The following HYDIN variants were observed in gnomAD, a reference collection of about 807,000 sequenced individuals.
HYDIN encodes axonemal central pair apparatus protein HYDIN.
A neutral mutation model predicts 403.9 loss-of-function variants in HYDIN; 132 were observed. That is an observed-to-expected ratio of 0.33 (90% CI 0.28 to 0.38). The LOEUF (loss-of-function observed/expected upper bound fraction) is 0.38. Ranked by LOEUF, HYDIN falls within the 10% of genes least tolerant of loss-of-function variation. The pLI is 1.00. For synonymous variants in HYDIN, 1,202 were observed against 1,891.7 expected (o/e 0.64, Z 9.46); for missense variants, 2,827 against 5,009.5 (o/e 0.56, Z 13.15).
At chr16:71,082,677 A>G (rs550738812) in intron 12 of HYDIN, among the ~76,000 whole-genome samples, 4 of 146,326 alleles carry the variant, frequency 2.7e-5, no homozygotes, top group South Asian at 2.2e-4. Context: ...ATTATTCCCA[A>G]TGGAAAACCC....
chr16:71,034,076 G>C (rs2081006837), intron 18 of HYDIN, among the ~76,000 whole-genome samples: 2 of 151,410 alleles, frequency 1.3e-5, no homozygotes, highest in Admixed American at 6.6e-5. Context: ...CTCCCAGGAA[G>C]CTTCGTGAAG....
intron 23 of HYDIN, among the ~76,000 whole-genome samples, chr16:71,017,075 C>G (rs1567998122): frequency 6.6e-6 from 1 of 151,974 alleles, no homozygotes; most frequent in South Asian, 2.1e-4. Context: ...TACGGTGGCC[C>G]ACACCTGTAA....
chr16:71,074,670 T>C (rs2082570815), intron 13 of HYDIN, among the ~76,000 whole-genome samples: 2 of 113,980 alleles, frequency 1.8e-5, no homozygotes, highest in African/African-American at 7.1e-5. Flanking sequence ...CAACAGAGAC[T>C]CTGTCTCAAA....
intron 6 of HYDIN, among the ~76,000 whole-genome samples, chr16:71,156,789 G>A (rs2085786667): frequency 1.3e-5 from 2 of 151,808 alleles, no homozygotes; most frequent in South Asian, 4.2e-4. Flanking sequence ...TTTAGATTTT[G>A]AAATTGCTTC....
At chr16:71,095,570 A>C (rs1372753367) in intron 10 of HYDIN, among the ~76,000 whole-genome samples, 1 of 151,948 alleles carries the variant, frequency 6.6e-6, no homozygotes, top group African/African-American at 2.4e-5. Context: ...AAGATCCAGA[A>C]TATTAGGGAT....
chr16:71,074,499 T>G (rs560659330), intron 13 of HYDIN, among the ~76,000 whole-genome samples: 77 of 151,736 alleles, frequency 5.1e-4, no homozygotes, highest in African/African-American at 1.8e-3. Context: ...CTGGCCAACA[T>G]GGTGAAACCC....
chr16:70,880,244 A>T (rs1378918745), intron 60 of HYDIN, among the ~76,000 whole-genome samples: 1 of 135,170 alleles, frequency 7.4e-6, no homozygotes, highest in Non-Finnish European at 1.5e-5. Flanking sequence ...TTTTTTGTAC[A>T]TATGGGGTTT....
chr16:71,165,329 G>A (rs150584741), intron 5 of HYDIN, among the ~76,000 whole-genome samples: 2,072 of 151,698 alleles, frequency 0.014, 14 homozygotes, highest in Non-Finnish European at 0.022. Context: ...CTTATTCATG[G>A]TGCTCACCCC....
intron 67 of HYDIN, 75 bp from the exon 68 acceptor site, chr16:70,863,257 C>T (rs2039522500): frequency 7.2e-7 from 1 of 1,382,170 alleles, no homozygotes; most frequent in Admixed American, 2.6e-5. Context: ...GTCATCTATA[C>T]TGTACTTAAC....
chr16:70,892,646 C>T (rs1352690561), intron 55 of HYDIN, 117 bp from the exon 56 acceptor site: 13 of 947,246 alleles, frequency 1.4e-5, no homozygotes, highest in African/African-American at 6.6e-5. Context: ...TTAGCCACTA[C>T]GTCCGGCGGA....
rs557252777 is a variant in HYDIN at position 70,895,503 on chromosome 16, C to T, written c.9148+478G>A. ...TGGAGAAAGGGGACCATGTGGGCGGCCTCTAGGAGTTGGAAACGGTATGGA... is the reference window on the plus strand; with the variant it reads ...TGGAGAAAGGGGACCATGTGGGCGGTCTCTAGGAGTTGGAAACGGTATGGA... On this transcript the variant is annotated intron_variant, in intron 54 of 85. Coordinates refer to ENST00000393567, the MANE Select transcript of HYDIN (RefSeq NM_001270974.2). Among the ~76,000 whole-genome samples the T allele has an allele frequency of 3.3e-5, 5 of 152,082 alleles. No individual in the cohort carries two copies. In the South Asian group the frequency reaches 1.0e-3, roughly 32 times the overall value.
chr16:70,825,020 A>G (rs1261192896), intron 83 of HYDIN, among the ~76,000 whole-genome samples: 1 of 151,874 alleles, frequency 6.6e-6, no homozygotes, highest in African/African-American at 2.4e-5. Flanking sequence ...TTGGCCTCCC[A>G]AAGTGTTGGG....
Position 71,032,623 on chromosome 16 carries a change from G to GTA in HYDIN, c.2530-708_2530-707dup, listed in dbSNP as rs2080955621. ...GTCTACTACACACCTAGGCTATACG[G>GTA]TATAACCTGTTGCTCCTAGGCTGAA... is the stretch of plus-strand genomic sequence containing the variant. On this transcript the variant is annotated intron_variant, in intron 18 of 85. Coordinates refer to ENST00000393567, the MANE Select transcript of HYDIN (RefSeq NM_001270974.2). 3.2e-5 allele frequency among the ~76,000 whole-genome samples: 4 copies of GTA among 123,484 alleles called. 1 individual carries two copies. In the Admixed American group the frequency reaches 3.4e-4, roughly 10 times the overall value. The allele number at this position is 123,484 out of a possible 152,430, so 81.0% of individuals were successfully genotyped here.
intron 18 of HYDIN, among the ~76,000 whole-genome samples, chr16:71,056,688 C>A (rs1423158591): frequency 6.6e-6 from 1 of 152,256 alleles, no homozygotes; most frequent in Admixed American, 6.5e-5. Flanking sequence ...GAGAATGGCC[C>A]CTCCTGTCAC....
At chr16:71,046,547 C>G (rs1355147462) in intron 18 of HYDIN, among the ~76,000 whole-genome samples, 2 of 151,972 alleles carry the variant, frequency 1.3e-5, no homozygotes, top group African/African-American at 4.8e-5. Flanking sequence ...TTCATTGCAA[C>G]TGACATTAAA....
At position 71,063,315 on chromosome 16, in the gene HYDIN, C is replaced by T. The variant is rs952002473; in HGVS notation, c.2212-982G>A. 4.6e-5 allele frequency among the ~76,000 whole-genome samples: 7 copies of T among 152,346 alleles called. No homozygotes were observed. The East Asian group carries it at 1.2e-3, about 25-fold the overall frequency. On this transcript the variant is annotated intron_variant, in intron 16 of 85. Transcript: ENST00000393567. ...AACTCCTCCCTGTGCCGCAGTGCTC[C>T]GCCGAGCCTTATGACAGCCTGAGGT...
intron 41 of HYDIN, among the ~76,000 whole-genome samples, chr16:70,950,970 TG>T (rs1422533353): frequency 2.6e-5 from 4 of 152,174 alleles, no homozygotes; most frequent in African/African-American, 9.7e-5. Flanking sequence ...GGTTCATGCC[TG>T]TAATCCTAGT....
intron 18 of HYDIN, among the ~76,000 whole-genome samples, chr16:71,046,882 T>A (rs981944): frequency 6.6e-6 from 1 of 152,206 alleles, no homozygotes; most frequent in Non-Finnish European, 1.5e-5. Context: ...AATGCTTTAG[T>A]TGATAATGAC....
intron 64 of HYDIN, among the ~76,000 whole-genome samples, chr16:70,872,416 T>C (rs1567741087): frequency 2.0e-4 from 24 of 121,730 alleles, no homozygotes; most frequent in African/African-American, 8.6e-4. Context: ...CCATCCATCA[T>C]CCACCCACCC....
Sources: gnomAD v4.1 joint callset for allele counts (sites outside exome capture counted in the v4.1 genomes callset) on GRCh38, gnomAD v4.1.1 for gene constraint, MANE v1.5 for transcripts, NCBI Gene and HGNC (gene_info 2026-07-23, HGNC 2026-07-21) for gene names.